GPR158: variants seen among roughly 807,000 people sequenced by gnomAD.
GPR158 encodes the protein G protein-coupled receptor 158, also known as metabotropic glycine receptor.
In GPR158, 30 loss-of-function variants were observed where a neutral mutation model predicts 78.2. The ratio of observed to expected loss-of-function variants is 0.38; its 90% CI spans 0.29 to 0.52. The LOEUF (loss-of-function observed/expected upper bound fraction) is 0.52, where lower values mean the gene tolerates loss of function less well. GPR158 is among the 20% of genes least tolerant of loss of function. The probability of loss-of-function intolerance (pLI) is 0.83; values close to 1 mark genes in which losing one functional copy is unlikely to be tolerated. For synonymous variants in GPR158, 581 were observed against 591.1 expected, an observed-to-expected ratio of 0.98 and a Z score of 0.25; for missense variants, 1,463 against 1,523.5, an observed-to-expected ratio of 0.96 and a Z score of 0.66.
At chr10:25,277,203 A>G (rs964612472) in intron 2 of GPR158, among the ~76,000 whole-genome samples, 4 of 152,102 alleles carry the variant, frequency 2.6e-5, no homozygotes, top group Admixed American at 2.0e-4. Flanking sequence ...CTCCCACCTC[A>G]GCCTTTCCAA....
intron 7 of GPR158, among the ~76,000 whole-genome samples, chr10:25,584,242 C>T (rs537616605): frequency 5.3e-5 from 8 of 152,268 alleles, no homozygotes; most frequent in East Asian, 1.9e-4. Context: ...TCAACTCCCA[C>T]GTAATAACAC....
intron 2 of GPR158, among the ~76,000 whole-genome samples, chr10:25,376,787 T>G (rs1166092974): frequency 6.6e-6 from 1 of 151,806 alleles, no homozygotes; most frequent in African/African-American, 2.4e-5. Flanking sequence ...TAGCAGTTAT[T>G]TTCTTTCTGC....
At chr10:25,433,547 T>TGTTGTGTGTGTGTTGTGTG (rs67750453) in intron 4 of GPR158, among the ~76,000 whole-genome samples, 2 of 96,330 alleles carry the variant, frequency 2.1e-5, no homozygotes, top group African/African-American at 5.6e-5. Flanking sequence ...TGTGTGTGTG[T>TGTTGTGTGTGTGTTGTGTG]TGTGTGTGTG....
At chr10:25,366,765 T>G (rs1855730100) in intron 2 of GPR158, among the ~76,000 whole-genome samples, 1 of 151,716 alleles carries the variant, frequency 6.6e-6, no homozygotes, top group Admixed American at 6.6e-5. Context: ...ACCATTCTAC[T>G]CTCTGCTTCT....
chr10:25,332,434 T>C (rs1210004513), intron 2 of GPR158, among the ~76,000 whole-genome samples: 1 of 152,188 alleles, frequency 6.6e-6, no homozygotes, highest in Non-Finnish European at 1.5e-5. Context: ...TCATAGAATA[T>C]TGAAGCTAAA....
At chr10:25,469,771 G>A (rs57764035) in intron 5 of GPR158, among the ~76,000 whole-genome samples, 3,161 of 110,290 alleles carry the variant, frequency 0.029, 139 homozygotes, top group African/African-American at 0.1. Context: ...GCAACAGAGC[G>A]AGACTCCATC....
intron 2 of GPR158, among the ~76,000 whole-genome samples, chr10:25,295,232 A>C (rs73608263): frequency 0.073 from 11,162 of 152,174 alleles, 1,240 homozygotes; most frequent in African/African-American, 0.24. Flanking sequence ...ATGCACTTCT[A>C]ATCAATTTCA....
At chr10:25,193,943 TC>T in intron 1 of GPR158, among the ~76,000 whole-genome samples, 1 of 152,174 alleles carries the variant, frequency 6.6e-6, no homozygotes, top group Non-Finnish European at 1.5e-5. Context: ...TTGGTGTTTT[TC>T]TTGCTCTTAG....
intron 2 of GPR158, among the ~76,000 whole-genome samples, chr10:25,278,924 C>G (rs1398736113): frequency 2.0e-5 from 3 of 151,740 alleles, no homozygotes; most frequent in Non-Finnish European, 1.5e-5. Context: ...ATAAAATAAT[C>G]CCAGAAAGAT....
At chr10:25,287,708 G>A (rs1854372624) in intron 2 of GPR158, among the ~76,000 whole-genome samples, 1 of 152,068 alleles carries the variant, frequency 6.6e-6, no homozygotes, top group African/African-American at 2.4e-5. Flanking sequence ...GCAAGTACCT[G>A]CCTTTCCTTA....
intron 5 of GPR158, among the ~76,000 whole-genome samples, chr10:25,512,803 T>G (rs186133329): frequency 6.6e-6 from 1 of 152,262 alleles, no homozygotes; most frequent in East Asian, 1.9e-4. Flanking sequence ...TGATTTTTGC[T>G]TTTAATAACG....
chr10:25,373,374 A>G (rs1327265769), intron 2 of GPR158, among the ~76,000 whole-genome samples: 2 of 151,948 alleles, frequency 1.3e-5, no homozygotes, highest in African/African-American at 2.4e-5. Context: ...AATAATTTGT[A>G]CAACAAACCC....
At chr10:25,463,126 A>G (rs1014703126) in intron 4 of GPR158, among the ~76,000 whole-genome samples, 2 of 152,210 alleles carry the variant, frequency 1.3e-5, no homozygotes, top group Non-Finnish European at 2.9e-5. Context: ...AGCCATCAAC[A>G]TGGAGGCAAG....
intron 2 of GPR158, among the ~76,000 whole-genome samples, chr10:25,252,963 G>C (rs1322747797): frequency 6.6e-6 from 1 of 152,190 alleles, no homozygotes; most frequent in Non-Finnish European, 1.5e-5. Context: ...AGCAATCAGC[G>C]AGATTCCGTG....
intron 2 of GPR158, chr10:25,244,969 T>C (rs1241233818): frequency 6.6e-6 from 1 of 152,142 alleles, no homozygotes; most frequent in Admixed American, 6.5e-5. Context: ...GGTCACTTGG[T>C]TGGATTAATG....
intron 4 of GPR158, among the ~76,000 whole-genome samples, chr10:25,437,802 T>C (rs1443977313): frequency 6.6e-6 from 1 of 152,148 alleles, no homozygotes; most frequent in Admixed American, 6.6e-5. Flanking sequence ...TACAACATTC[T>C]TTCCAGAAGT....
intron 5 of GPR158, among the ~76,000 whole-genome samples, chr10:25,475,056 G>A (rs1020012172): frequency 6.6e-6 from 1 of 152,102 alleles, no homozygotes; most frequent in Non-Finnish European, 1.5e-5. Flanking sequence ...TGAAATAGAA[G>A]TACTCTAGAA....
intron 2 of GPR158, among the ~76,000 whole-genome samples, chr10:25,296,520 T>C (rs1164021751): frequency 2.0e-5 from 3 of 152,206 alleles, no homozygotes; most frequent in Admixed American, 2.0e-4. Flanking sequence ...TGATTGATTA[T>C]TGATTGATCT....
At chr10:25,484,934 A>G (rs1835712765) in intron 5 of GPR158, among the ~76,000 whole-genome samples, 1 of 152,164 alleles carries the variant, frequency 6.6e-6, no homozygotes, top group South Asian at 2.1e-4. Context: ...TGTAAATGCA[A>G]TTTTAAAGAA....
Sources: gnomAD v4.1 joint callset for allele counts (sites outside exome capture counted in the v4.1 genomes callset) on GRCh38, gnomAD v4.1.1 for gene constraint, MANE v1.5 for transcripts, NCBI Gene and HGNC (gene_info 2026-07-23, HGNC 2026-07-21) for gene names.